GORASP2: variants seen among roughly 807,000 people sequenced by gnomAD.
GORASP2 encodes Golgi reassembly-stacking protein 2.
GORASP2 carries 22 observed loss-of-function variants against 45.7 expected under a neutral mutation model. The observed-to-expected ratio is 0.48, with a 90% confidence interval of 0.34 to 0.69. The LOEUF (loss-of-function observed/expected upper bound fraction) is 0.69. GORASP2 is among the 30% of genes least tolerant of loss of function. GORASP2 has a pLI of 0.01. For synonymous variants in GORASP2, 221 were observed against 215.6 expected (o/e 1.02, Z -0.22); for missense variants, 491 against 562.7 (o/e 0.87, Z 1.29).
Position 170,951,464 on chromosome 2 carries a change from G to A in GORASP2, c.566+6G>A, listed in dbSNP as rs1704296246. On this transcript the variant is annotated splice_donor_region_variant and intron_variant, in intron 5 of 9. Coordinates refer to ENST00000234160, the MANE Select transcript of GORASP2 (RefSeq NM_015530.5). Reference sequence around the variant, plus strand: ...GCATGGGGTGGAGAAGGCAGGTAAGGTCATTTTTTAGACTAAGTTATGACT... The same window carrying A: ...GCATGGGGTGGAGAAGGCAGGTAAGATCATTTTTTAGACTAAGTTATGACT... The A allele has an allele frequency of 1.2e-6, 2 of 1,601,266 alleles. No individual in the cohort carries two copies. The highest frequency in any genetic ancestry group is 1.3e-5 in the African/African-American group (1 of 74,282).
chr2:170,937,662 A>AG (rs1265278910), intron 1 of GORASP2, among the ~76,000 whole-genome samples: 1 of 152,038 alleles, frequency 6.6e-6, no homozygotes. Context: ...AGAGGGAAGG[A>AG]GGGAGGGAAG....
At chr2:170,942,582 C>T (rs1488690344) in intron 1 of GORASP2, among the ~76,000 whole-genome samples, 1 of 152,186 alleles carries the variant, frequency 6.6e-6, no homozygotes, top group African/African-American at 2.4e-5. Flanking sequence ...GGGTATACCA[C>T]ATTTTGTTTA....
intron 1 of GORASP2, among the ~76,000 whole-genome samples, chr2:170,945,428 T>G (rs1020892103): frequency 1.3e-5 from 2 of 151,516 alleles, no homozygotes; most frequent in African/African-American, 4.8e-5. Flanking sequence ...TCCCAGCTGC[T>G]TGGGAGGCCA....
intron 6 of GORASP2, among the ~76,000 whole-genome samples, chr2:170,955,607 C>G (rs1704406912): frequency 6.6e-6 from 1 of 152,234 alleles, no homozygotes; most frequent in Non-Finnish European, 1.5e-5. Flanking sequence ...TGGCCATCTT[C>G]AGTTCTAGAG....
At chr2:170,936,887 T>C (rs529234302) in intron 1 of GORASP2, among the ~76,000 whole-genome samples, 1 of 151,988 alleles carries the variant, frequency 6.6e-6, no homozygotes, top group Non-Finnish European at 1.5e-5. Flanking sequence ...GTCTCTAAAA[T>C]TAATTAATTA....
intron 1 of GORASP2, among the ~76,000 whole-genome samples, chr2:170,939,964 A>T (rs1704035637): frequency 6.6e-6 from 1 of 151,432 alleles, no homozygotes; most frequent in Non-Finnish European, 1.5e-5. Flanking sequence ...GTCTTGTTTA[A>T]CATCTCCACT....
intron 1 of GORASP2, chr2:170,929,663 G>GTA: frequency 3.3e-6 from 2 of 613,590 alleles, no homozygotes; most frequent in Admixed American, 2.3e-5. Flanking sequence ...TCGGCCAGGG[G>GTA]GCGGCCCTGG....
At chr2:170,961,622 C>A in intron 7 of GORASP2, 41 bp from the exon 8 acceptor site, 1 of 1,064,954 alleles carries the variant, frequency 9.4e-7, no homozygotes, top group Non-Finnish European at 1.5e-6. Flanking sequence ...TTCTTGTCGA[C>A]TAAATTTGTT....
Position 170,961,343 on chromosome 2 carries a change from C to G in GORASP2, c.824-320C>G, listed in dbSNP as rs1406451370. On this transcript the variant is annotated intron_variant, in intron 7 of 9. Transcript: ENST00000234160. The stretch of plus-strand genomic sequence containing the variant: ...GACTAGAATCCTTGTGTCCCATATA[C>G]AAATTTCTAAGACAGTTTTCTAATC... 2.6e-5 allele frequency among the ~76,000 whole-genome samples: 4 copies of G among 152,342 alleles called. 1 individual carries two copies. The highest frequency in any genetic ancestry group is 9.6e-5 in the African/African-American group (4 of 41,582).
At chr2:170,959,416 G>T (rs1704501152) in intron 7 of GORASP2, among the ~76,000 whole-genome samples, 1 of 152,236 alleles carries the variant, frequency 6.6e-6, no homozygotes, top group Admixed American at 6.5e-5. Flanking sequence ...GCACTGCAGA[G>T]AAATGGCTTC....
intron 7 of GORASP2, among the ~76,000 whole-genome samples, chr2:170,961,038 A>G (rs374115081): frequency 6.8e-4 from 104 of 152,344 alleles, no homozygotes; most frequent in Middle Eastern, 6.8e-3. Context: ...CCTGAGGCTT[A>G]CTTGTACGTG....
chr2:170,963,038 A>G lies in GORASP2; in HGVS notation c.1018+92A>G, dbSNP rs528173521. On this transcript the variant is annotated intron_variant, in intron 9 of 9. Transcript: ENST00000234160. Reference sequence around the variant, plus strand: ...TCTTCAGTTTTTTCTGGAGAGAGCAAATCAGTTTAACAGATTTCAGCTACT... The same window carrying G: ...TCTTCAGTTTTTTCTGGAGAGAGCAGATCAGTTTAACAGATTTCAGCTACT... 24 of 805,888 alleles carry G rather than the reference A, an allele frequency of 3.0e-5. No homozygotes were observed. In the South Asian group the frequency reaches 3.0e-4, roughly 10 times the overall value. The allele number at this position is 805,888 out of a possible 1,614,324, so 49.9% of individuals were successfully genotyped here. A position where few individuals can be genotyped will look rare whatever the true frequency, so the allele number is the denominator to read the frequency against.
At chr2:170,963,068 A>G (rs1027280594) in intron 9 of GORASP2, 122 bp downstream of exon 9, 35 of 675,532 alleles carry the variant, frequency 5.2e-5, no homozygotes, top group Non-Finnish European at 5.9e-5. Flanking sequence ...GCTACTTCAA[A>G]TAAATATTCA....
chr2:170,961,030 T>G (rs1704546847), intron 7 of GORASP2, among the ~76,000 whole-genome samples: 2 of 152,368 alleles, frequency 1.3e-5, no homozygotes, highest in Admixed American at 1.3e-4. Context: ...GGTGGTATCC[T>G]GAGGCTTACT....
rs80288828 is a variant in GORASP2, at chr2:170,957,178, C to T, written c.823+619C>T. Reference sequence around the variant, plus strand: ...CTGCTCTGGTTACTCAACACGTTTGCGTGTTTCTGAAGTAGTAGGCACTGA... The same window carrying T: ...CTGCTCTGGTTACTCAACACGTTTGTGTGTTTCTGAAGTAGTAGGCACTGA... On this transcript the variant is annotated intron_variant, in intron 7 of 9. Transcript: ENST00000234160. Among the ~76,000 whole-genome samples the T allele has an allele frequency of 5.3e-3, 811 of 152,230 alleles. 12 individuals are homozygous for T. Among genetic ancestry groups the T allele is most frequent in the African/African-American group, 0.018 (760 of 41,548 alleles).
At chr2:170,948,984 TG>T (rs1704237797) in intron 2 of GORASP2, among the ~76,000 whole-genome samples, 1 of 152,224 alleles carries the variant, frequency 6.6e-6, no homozygotes, top group South Asian at 2.1e-4. Flanking sequence ...GCCACTTGGT[TG>T]GTTTAATTTT....
chr2:170,950,611 G>A (rs1322648538), intron 4 of GORASP2, among the ~76,000 whole-genome samples: 1 of 151,956 alleles, frequency 6.6e-6, no homozygotes, highest in East Asian at 1.9e-4. Context: ...TTTTTGTTCA[G>A]TGACAGCATT....
At chr2:170,945,137 A>G (rs1704154220) in intron 1 of GORASP2, among the ~76,000 whole-genome samples, 1 of 152,158 alleles carries the variant, frequency 6.6e-6, no homozygotes, top group Admixed American at 6.5e-5. Context: ...CATACAGAAT[A>G]TGAAATAACC....
intron 9 of GORASP2, 112 bp downstream of exon 9, chr2:170,963,058 G>A (rs1332931281): frequency 1.4e-6 from 1 of 706,254 alleles, no homozygotes; most frequent in Non-Finnish European, 2.6e-6. Flanking sequence ...ACAGATTTCA[G>A]CTACTTCAAA....
Sources: allele counts gnomAD v4.1 joint callset (sites outside exome capture counted in the v4.1 genomes callset), GRCh38; gene constraint gnomAD v4.1.1; transcripts MANE v1.5; gene names NCBI Gene and HGNC (gene_info 2026-07-23, HGNC 2026-07-21).